Variants in COL27A1 observed in about 807,000 individuals in gnomAD.
COL27A1 encodes the protein collagen type XXVII alpha 1 chain.
Under a neutral mutation model 251.3 loss-of-function variants are expected in COL27A1, and 106 were observed. That is an observed-to-expected ratio of 0.42 (90% confidence interval 0.36 to 0.50). The LOEUF is 0.50. COL27A1 is among the 20% of genes least tolerant of loss of function. The pLI is 0.00. For synonymous variants in COL27A1, 1,000 were observed against 986.3 expected (o/e 1.01, Z -0.26); for missense variants, 2,325 against 2,522.8 (o/e 0.92, Z 1.68).
Position 114,206,294 on chromosome 9 carries a change from A to C in COL27A1, c.2266A>C (p.Arg756=). ...PVGDPGPKGS[R]GYIGLPGLFG... ...AGGAGATCCCGGCCCCAAAGGCAGC[A>C]GGGTAAGTGGTTCCTGGCCAGTGCC... Residue 756 remains arginine, a splice_region_variant and synonymous_variant, in exon 10 of 61, where the codon AGG becomes CGG. Coordinates refer to ENST00000356083, the MANE Select transcript of COL27A1 (RefSeq NM_032888.4). 6.2e-7 allele frequency: 1 copy of C among 1,614,132 alleles called. No individual in the cohort carries two copies. Among genetic ancestry groups the C allele is most frequent in the Non-Finnish European group, 8.5e-7 (1 of 1,179,970 alleles).
At chr9:114,271,826 A>T (rs978243047) in intron 36 of COL27A1, 7 of 152,172 alleles carry the variant, frequency 4.6e-5, no homozygotes, top group Non-Finnish European at 1.5e-5. Flanking sequence ...CCTTCTCTGA[A>T]CCTCAGTTTC....
chr9:114,284,919 G>T (rs376664977), intron 41 of COL27A1, 142 bp downstream of exon 41: 2 of 837,992 alleles, frequency 2.4e-6, no homozygotes, highest in Non-Finnish European at 3.9e-6. Context: ...GCCGAGGCTG[G>T]TGTCACTGCC....
chr9:114,202,768 A>G (rs770467230), intron 7 of COL27A1, among the ~76,000 whole-genome samples: 4 of 151,958 alleles, frequency 2.6e-5, no homozygotes, highest in Middle Eastern at 6.8e-3. Flanking sequence ...GCCTTTCTCC[A>G]TGGAGCCAGC....
intron 13 of COL27A1, among the ~76,000 whole-genome samples, chr9:114,220,764 C>T (rs1441500552): frequency 3.3e-5 from 5 of 152,062 alleles, no homozygotes; most frequent in African/African-American, 1.2e-4. Context: ...GAGGCCGAGG[C>T]GGCTAGATCA....
At chr9:114,245,366 A>G (rs1157354827) in intron 23 of COL27A1, among the ~76,000 whole-genome samples, 1 of 152,052 alleles carries the variant, frequency 6.6e-6, no homozygotes, top group Non-Finnish European at 1.5e-5. Context: ...CATGTTGGCC[A>G]GGCTGGTCTC....
intron 35 of COL27A1, among the ~76,000 whole-genome samples, chr9:114,269,530 G>T (rs1179285321): frequency 6.8e-6 from 1 of 146,810 alleles, no homozygotes; most frequent in African/African-American, 2.5e-5. Flanking sequence ...CAGGAGAATC[G>T]CTTGGACCCA....
chr9:114,160,353 C>T (rs911972111), intron 1 of COL27A1, among the ~76,000 whole-genome samples: 2 of 152,000 alleles, frequency 1.3e-5, no homozygotes, highest in Non-Finnish European at 2.9e-5. Flanking sequence ...GATGGGGTTT[C>T]GCTGTGTTAG....
Position 114,282,452 on chromosome 9 carries a change from T to G in COL27A1, c.3772-5T>G. On this transcript the variant is annotated splice_polypyrimidine_tract_variant and splice_region_variant and intron_variant, in intron 38 of 60. Coordinates refer to ENST00000356083, the MANE Select transcript of COL27A1 (RefSeq NM_032888.4). ...GGTGACAGCTTGTCTTTCCTCCTGTTGCAGGGTGCCAAGGGCTATCAAGGA... is the reference window on the plus strand; with the variant it reads ...GGTGACAGCTTGTCTTTCCTCCTGTGGCAGGGTGCCAAGGGCTATCAAGGA... 6.2e-7 allele frequency: 1 copy of G among 1,607,390 alleles called. No individual in the cohort carries two copies. Among genetic ancestry groups the G allele is most frequent in the Non-Finnish European group, 8.5e-7 (1 of 1,176,866 alleles).
chr9:114,232,177 A>C (rs1832013870), intron 16 of COL27A1, among the ~76,000 whole-genome samples: 1 of 152,200 alleles, frequency 6.6e-6, no homozygotes, highest in South Asian at 2.1e-4. Flanking sequence ...TGGGATTTGA[A>C]GGCAAAGCCA....
chr9:114,177,418 G>A (rs1051624493), intron 3 of COL27A1, among the ~76,000 whole-genome samples: 1 of 152,220 alleles, frequency 6.6e-6, no homozygotes, highest in African/African-American at 2.4e-5. Context: ...ATGAGGCTGT[G>A]TGGAGGAGGA....
At chr9:114,250,011 A>G (rs1302735420) in intron 24 of COL27A1, among the ~76,000 whole-genome samples, 3 of 152,154 alleles carry the variant, frequency 2.0e-5, no homozygotes, top group Non-Finnish European at 4.4e-5. Context: ...GACTGGGGCC[A>G]CCTAGAAGAA....
In COL27A1 at chr9:114,265,429, C is replaced by A. The variant is rs7048607; in HGVS notation, c.3347C>A (p.Pro1116Gln). The change falls in exon 32 of 61, where the codon CCG becomes CAG. Residue 1116 changes from proline (P) to glutamine (Q), a missense_variant. This residue lies in a region of COL27A1 where 662 missense variants were observed against 795.3 expected (regional missense o/e 0.83). Transcript: ENST00000356083. ...HLGSRGFPGI[P>Q]GPSGPPGTKG... ...TTTACCTTGTCTCTGCAGGGCATCC[C>A]GGGTCCCTCAGGCCCCCCAGGCACC... The A allele has an allele frequency of 6.8e-3, 10,908 of 1,613,772 alleles. 633 individuals carry two copies. In the African/African-American group the frequency reaches 0.13, roughly 19 times the overall value.
At chr9:114,220,072 T>A (rs1255640033) in intron 13 of COL27A1, among the ~76,000 whole-genome samples, 3 of 152,122 alleles carry the variant, frequency 2.0e-5, no homozygotes, top group Non-Finnish European at 4.4e-5. Context: ...ACTGAGCCCC[T>A]GGGTCCAAAG....
At chr9:114,245,432 C>T (rs530266433) in intron 23 of COL27A1, among the ~76,000 whole-genome samples, 6 of 152,304 alleles carry the variant, frequency 3.9e-5, no homozygotes, top group Admixed American at 6.5e-5. Context: ...GCTGGGATTA[C>T]AGGCGTGAGC....
At chr9:114,257,847 T>C (rs1181466317) in intron 27 of COL27A1, among the ~76,000 whole-genome samples, 1 of 152,198 alleles carries the variant, frequency 6.6e-6, no homozygotes, top group Non-Finnish European at 1.5e-5. Flanking sequence ...CACCAGATTC[T>C]CCTTTCTGGT....
At position 114,310,087 on chromosome 9, in the gene COL27A1, T is replaced by A. The variant is rs576766798; in HGVS notation, c.5437-462T>A. Among the ~76,000 whole-genome samples, 7 of 152,082 alleles carry A rather than the reference T, an allele frequency of 4.6e-5. No homozygotes were observed. In the South Asian group the frequency reaches 1.5e-3, roughly 32 times the overall value. On this transcript the variant is annotated intron_variant, in intron 60 of 60. Coordinates refer to ENST00000356083, the MANE Select transcript of COL27A1 (RefSeq NM_032888.4). Reference sequence around the variant, plus strand: ...GCTAAGCTATGAAGACACAAAGGCATAAGAATGGTACAACGGAATTTGAGG... The same window carrying A: ...GCTAAGCTATGAAGACACAAAGGCAAAAGAATGGTACAACGGAATTTGAGG...
chr9:114,178,417 C>A (rs375701996), intron 4 of COL27A1, 73 bp downstream of exon 4: 474 of 1,399,738 alleles, frequency 3.4e-4, no homozygotes, highest in South Asian at 4.4e-4. Flanking sequence ...CCTGAGGTCT[C>A]GGGTTTGCTG....
chr9:114,186,986 G>T (rs1187851915), intron 5 of COL27A1, among the ~76,000 whole-genome samples: 2 of 152,222 alleles, frequency 1.3e-5, no homozygotes, highest in African/African-American at 4.8e-5. Context: ...GAGGCTCCTG[G>T]TTCCACTCTT....
chr9:114,206,950 C>G (rs1830008204), intron 10 of COL27A1, among the ~76,000 whole-genome samples: 1 of 152,142 alleles, frequency 6.6e-6, no homozygotes, highest in Non-Finnish European at 1.5e-5. Context: ...TCTGGGTGGA[C>G]CGAATGGGGT....
Sources: allele counts gnomAD v4.1 joint callset (sites outside exome capture counted in the v4.1 genomes callset), GRCh38; gene constraint gnomAD v4.1.1; regional missense constraint gnomAD v4.1.1; transcripts MANE v1.5; gene names NCBI Gene and HGNC (gene_info 2026-07-23, HGNC 2026-07-21).